SIPA1L1: variants seen among roughly 807,000 people sequenced by gnomAD.
SIPA1L1 encodes the protein signal-induced proliferation-associated 1-like protein 1.
A neutral mutation model predicts 162.7 loss-of-function variants in SIPA1L1; 26 were observed. The ratio of observed to expected loss-of-function variants is 0.16; its 90% CI spans 0.12 to 0.22. The LOEUF (loss-of-function observed/expected upper bound fraction) is 0.22. Ranked by LOEUF, SIPA1L1 falls within the 10% of genes least tolerant of loss-of-function variation. The pLI, the probability that SIPA1L1 is intolerant of heterozygous loss-of-function variation, is 1.00. For missense variants in SIPA1L1, 1,874 were observed against 2,241.0 expected, an observed-to-expected ratio of 0.84 and a Z score of 3.31; for synonymous variants, 829 against 837.4, an observed-to-expected ratio of 0.99 and a Z score of 0.17.
chr14:71,408,069 T>C (rs901481105), intron 2 of SIPA1L1, among the ~76,000 whole-genome samples: 26 of 152,232 alleles, frequency 1.7e-4, no homozygotes, highest in African/African-American at 6.3e-4. Context: ...TTAATGACTT[T>C]GATGGGTTCT....
chr14:71,452,217 C>T (rs1367971354), intron 2 of SIPA1L1, among the ~76,000 whole-genome samples: 2 of 151,970 alleles, frequency 1.3e-5, no homozygotes, highest in African/African-American at 2.4e-5. Flanking sequence ...CCCTATACTA[C>T]CAAAGGTAAC....
At position 71,635,107 on chromosome 14, in the gene SIPA1L1, G is replaced by A. The variant is rs142052444; in HGVS notation, c.1818+10871G>A. Among the ~76,000 whole-genome samples, 426 of 151,906 alleles carry A rather than the reference G, an allele frequency of 2.8e-3. 5 individuals are homozygous for A. Among genetic ancestry groups the A allele is most frequent in the African/African-American group, 9.6e-3 (396 of 41,436 alleles). ...AGCCTGCCTAACATGGTGAAACCCC[G>A]TCTCTACTAAAAATACAAAAAATTA... is the stretch of plus-strand genomic sequence containing the variant. On this transcript the variant is annotated intron_variant, in intron 7 of 23. Coordinates refer to ENST00000381232, the MANE Select transcript of SIPA1L1 (RefSeq NM_001386936.1).
chr14:71,649,714 C>T (rs2042464491), intron 7 of SIPA1L1, among the ~76,000 whole-genome samples: 1 of 152,154 alleles, frequency 6.6e-6, no homozygotes, highest in South Asian at 2.1e-4. Flanking sequence ...TCTCTGCAGA[C>T]ACTCATCCTT....
chr14:71,638,680 G>A (rs1459867195), intron 7 of SIPA1L1, among the ~76,000 whole-genome samples: 2 of 152,160 alleles, frequency 1.3e-5, no homozygotes, highest in Non-Finnish European at 2.9e-5. Flanking sequence ...TAAAAGAAAA[G>A]GCATGTAGAC....
At chr14:71,541,358 T>G (rs1219777860) in intron 4 of SIPA1L1, among the ~76,000 whole-genome samples, 1 of 152,184 alleles carries the variant, frequency 6.6e-6, no homozygotes, top group African/African-American at 2.4e-5. Context: ...AATTCCTCTT[T>G]AAGGATAAGT....
chr14:71,568,488 T>A (rs1389083005), intron 4 of SIPA1L1, among the ~76,000 whole-genome samples: 1 of 152,064 alleles, frequency 6.6e-6, no homozygotes, highest in Admixed American at 6.5e-5. Context: ...TTGCACTGTT[T>A]CCTCTGGGTC....
intron 2 of SIPA1L1, among the ~76,000 whole-genome samples, chr14:71,475,211 A>G (rs1293416257): frequency 3.3e-5 from 5 of 152,248 alleles, no homozygotes; most frequent in South Asian, 2.1e-4. Flanking sequence ...AAAGAATGCT[A>G]TAGCATATAC....
intron 17 of SIPA1L1, among the ~76,000 whole-genome samples, chr14:71,710,076 G>A (rs535531381): frequency 6.6e-6 from 1 of 152,318 alleles, no homozygotes; most frequent in Admixed American, 6.5e-5. Context: ...GAGTAACAGA[G>A]CATCGTTTGC....
intron 2 of SIPA1L1, among the ~76,000 whole-genome samples, chr14:71,323,473 G>A (rs1416645515): frequency 6.6e-6 from 1 of 152,036 alleles, no homozygotes; most frequent in Non-Finnish European, 1.5e-5. Context: ...ATTGTTATTG[G>A]TCCGTATCAG....
At chr14:71,358,647 A>G (rs1224008818) in intron 2 of SIPA1L1, among the ~76,000 whole-genome samples, 9 of 152,216 alleles carry the variant, frequency 5.9e-5, no homozygotes, top group Admixed American at 2.6e-4. Context: ...GTATTAGTCA[A>G]TTCTTGCACT....
intron 2 of SIPA1L1, among the ~76,000 whole-genome samples, chr14:71,429,689 G>T (rs1054237964): frequency 6.6e-6 from 1 of 152,136 alleles, no homozygotes; most frequent in South Asian, 2.1e-4. Flanking sequence ...TATCTAAGTG[G>T]CTTCCATCAG....
intron 8 of SIPA1L1, among the ~76,000 whole-genome samples, chr14:71,657,944 A>C (rs2149201127): frequency 6.6e-6 from 1 of 152,230 alleles, no homozygotes; most frequent in Non-Finnish European, 1.5e-5. Flanking sequence ...TTGTTGTTGC[A>C]GACATCTCAA....
intron 7 of SIPA1L1, among the ~76,000 whole-genome samples, chr14:71,624,811 T>C (rs2039810787): frequency 6.6e-6 from 1 of 152,218 alleles, no homozygotes; most frequent in African/African-American, 2.4e-5. Context: ...TTCACCGCGC[T>C]GTTCTTAAAA....
chr14:71,738,073 T>G (rs2085457141), intron 22 of SIPA1L1, among the ~76,000 whole-genome samples, 168 bp from the exon 23 acceptor site: 1 of 151,958 alleles, frequency 6.6e-6, no homozygotes, highest in African/African-American at 2.4e-5. Context: ...GACTACCATT[T>G]TCTTTTTTAA....
intron 4 of SIPA1L1, among the ~76,000 whole-genome samples, chr14:71,578,362 C>G (rs980856986): frequency 6.6e-5 from 10 of 152,204 alleles, no homozygotes; most frequent in Non-Finnish European, 7.3e-5. Flanking sequence ...GCCGCTGCAC[C>G]TGGCCTGACC....
chr14:71,735,228 C>A, intron 21 of SIPA1L1, 49 bp from the exon 22 acceptor site: 1 of 1,262,548 alleles, frequency 7.9e-7, no homozygotes. Context: ...ATAGATAGGG[C>A]CAGGGATGTG....
chr14:71,475,289 C>T (rs1481783601), intron 2 of SIPA1L1, among the ~76,000 whole-genome samples: 3 of 152,204 alleles, frequency 2.0e-5, no homozygotes, highest in Non-Finnish European at 4.4e-5. Flanking sequence ...ATACTGTTCT[C>T]CAGCAAGCTA....
At chr14:71,660,842 A>G (rs1184341728) in intron 9 of SIPA1L1, among the ~76,000 whole-genome samples, 1 of 152,248 alleles carries the variant, frequency 6.6e-6, no homozygotes, top group Admixed American at 6.5e-5. Context: ...ATTCTTTTCT[A>G]CATGCCCAGC....
chr14:71,690,973 C>T (rs2081212544), intron 13 of SIPA1L1, among the ~76,000 whole-genome samples: 1 of 152,206 alleles, frequency 6.6e-6, no homozygotes, highest in South Asian at 2.1e-4. Flanking sequence ...CTGCCTCTTC[C>T]GTCTCGTGTG....
Sources: gnomAD v4.1 joint callset for allele counts (sites outside exome capture counted in the v4.1 genomes callset) on GRCh38, gnomAD v4.1.1 for gene constraint, MANE v1.5 for transcripts, NCBI Gene and HGNC (gene_info 2026-07-23, HGNC 2026-07-21) for gene names.